The following STOX1 variants were observed in gnomAD, a reference collection of about 807,000 sequenced individuals.
The protein encoded by STOX1 is storkhead-box protein 1.
Under a neutral mutation model 74.8 loss-of-function variants are expected in STOX1, and 57 were observed. The observed-to-expected ratio is 0.76, with a 90% confidence interval of 0.62 to 0.95. STOX1 has a LOEUF of 0.95. Ranked by LOEUF, STOX1 falls within the 40% of genes least tolerant of loss-of-function variation. The pLI is 0.00. For synonymous variants in STOX1, 375 were observed against 401.3 expected, an observed-to-expected ratio of 0.93 and a Z score of 0.78; for missense variants, 1,010 against 1,117.0, an observed-to-expected ratio of 0.90 and a Z score of 1.37.
In STOX1 at chr10:68,888,912, C is replaced by T. The variant is rs111933484; in HGVS notation, c.2822+2294C>T. Among the ~76,000 whole-genome samples the T allele has an allele frequency of 1.4e-3, 193 of 135,078 alleles. 1 individual carries two copies. The highest frequency in any genetic ancestry group is 9.5e-3 in the South Asian group (38 of 3,994). 88.6% of individuals were successfully genotyped at this position (135,078 alleles called of 152,430 possible). On this transcript the variant is annotated intron_variant, in intron 3 of 3. Coordinates refer to ENST00000298596, the MANE Select transcript of STOX1 (RefSeq NM_152709.5). ...GGCTCAAGCAATTCAGCCTCCCAAA[C>T]GGCTGGGATTGCAGGTGTGAGCCAC... is the stretch of plus-strand genomic sequence containing the variant.
chr10:68,888,567 C>T (rs991594147), intron 3 of STOX1, among the ~76,000 whole-genome samples: 3 of 150,266 alleles, frequency 2.0e-5, no homozygotes, highest in Admixed American at 6.6e-5. Flanking sequence ...AACATTTTCC[C>T]TATGTTATTT....
rs1840964024 is a variant in STOX1, at chr10:68,886,540, A to C, written c.2744A>C (p.Asp915Ala). ...TCACATATGCCAGTGTTGGCTCAGG[A>C]TGTCCAATATGAACACAGTCACTTG... ...NTSHMPVLAQ[D>A]VQYEHSHLEG... Residue 915 changes from aspartate (D) to alanine (A), a missense_variant, in exon 3 of 4, where the codon GAT becomes GCT. Coordinates refer to ENST00000298596, the MANE Select transcript of STOX1 (RefSeq NM_152709.5). 6.2e-7 allele frequency: 1 copy of C among 1,614,086 alleles called. No homozygotes were observed. The highest frequency in any genetic ancestry group is 1.3e-5 in the African/African-American group (1 of 74,934).
chr10:68,889,530 G>A lies in STOX1; in HGVS notation c.2822+2912G>A, dbSNP rs1404714237. Among the ~76,000 whole-genome samples the A allele has an allele frequency of 2.6e-5, 4 of 152,166 alleles. No individual in the cohort carries two copies. In the South Asian group the frequency reaches 8.3e-4, roughly 32 times the overall value. On this transcript the variant is annotated intron_variant, in intron 3 of 3. Coordinates refer to ENST00000298596, the MANE Select transcript of STOX1 (RefSeq NM_152709.5). ...TTTTCATGTAACTTATGTATATCCT[G>A]TTATTGATAAATGTAGCTTAAGCTT...
At chr10:68,840,893 T>C (rs1260157499) in intron 1 of STOX1, among the ~76,000 whole-genome samples, 1 of 150,740 alleles carries the variant, frequency 6.6e-6, no homozygotes, top group Admixed American at 6.6e-5. Context: ...GTATGGAATA[T>C]GGCTGTGGGG....
Position 68,873,257 on chromosome 10 carries a change from A to AT in STOX1, c.311-8680dup, listed in dbSNP as rs5785875. Among the ~76,000 whole-genome samples, 163 of 105,276 alleles carry AT rather than the reference A, an allele frequency of 1.5e-3. 5 individuals are homozygous for AT. Among genetic ancestry groups the AT allele is most frequent in the African/African-American group, 4.6e-3 (123 of 27,004 alleles). 69.1% of individuals were successfully genotyped at this position (105,276 alleles called of 152,430 possible). A position where few individuals can be genotyped will look rare whatever the true frequency, so the allele number is the denominator to read the frequency against. On this transcript the variant is annotated intron_variant, in intron 1 of 3. Transcript: ENST00000298596. Reference sequence around the variant, plus strand: ...TAGGGGCCTGTGCCCAAACAAGAGCATTTTTTTTTTTTTTTTTTTTTGAGA... The same window carrying AT: ...TAGGGGCCTGTGCCCAAACAAGAGCATTTTTTTTTTTTTTTTTTTTTTGAGA...
intron 1 of STOX1, among the ~76,000 whole-genome samples, chr10:68,876,380 T>G (rs1840679464): frequency 1.3e-5 from 2 of 151,872 alleles, no homozygotes; most frequent in Admixed American, 1.3e-4. Context: ...GGTCTCGAAC[T>G]CCCGACCTCA....
downstream of STOX1, among the ~76,000 whole-genome samples, chr10:68,893,652 C>CG (rs1841144887): frequency 6.6e-6 from 1 of 152,134 alleles, no homozygotes; most frequent in Non-Finnish European, 1.5e-5. Flanking sequence ...CTCCTGACCT[C>CG]GTGATCCACC....
chr10:68,885,029 G>C lies in STOX1; in HGVS notation c.1233G>C (p.Gly411=), dbSNP rs754820877. Residue 411 remains glycine (G), a synonymous_variant, in exon 3 of 4, where the codon GGG becomes GGC. Coordinates refer to ENST00000298596, the MANE Select transcript of STOX1 (RefSeq NM_152709.5). ...GGCATAAGTATCCTTCAAAAGAGGG[G>C]GTTAAGAAAAGGCAGGGTCTGTCTG... The part of the protein sequence containing the change: ...TIGHKYPSKE[G]VKKRQGLSAK... 3 of 1,614,124 alleles carry C rather than the reference G, an allele frequency of 1.9e-6. No individual in the cohort carries two copies. The highest frequency in any genetic ancestry group is 1.7e-6 in the Non-Finnish European group (2 of 1,180,036).
At chr10:68,862,334 A>T (rs7082963) in intron 1 of STOX1, among the ~76,000 whole-genome samples, 4,103 of 152,126 alleles carry the variant, frequency 0.027, 223 homozygotes, top group African/African-American at 0.093. Flanking sequence ...ACTAGGATAG[A>T]ATGATTAGTA....
rs954553363 is a variant in STOX1, at chr10:68,884,699, C to A, written c.903C>A (p.Tyr301Ter). Residue 301 changes from tyrosine to a stop codon, truncating the protein, a stop_gained, in exon 3 of 4, where the codon TAC becomes TAA. Transcript: ENST00000298596. LOFTEE classifies it high-confidence loss of function. ...HICESTKPLP[Y>*]TRDKEKGKKF... Reference sequence around the variant, plus strand: ...GTGAGAGCACCAAACCTTTACCATACACAAGAGATAAAGAAAAAGGCAAGA... The same window carrying A: ...GTGAGAGCACCAAACCTTTACCATAAACAAGAGATAAAGAAAAAGGCAAGA... 1 of 1,614,000 alleles carries A rather than the reference C, an allele frequency of 6.2e-7. No individual in the cohort carries two copies. Among genetic ancestry groups the A allele is most frequent in the Non-Finnish European group, 8.5e-7 (1 of 1,180,034 alleles).
chr10:68,843,919 G>T (rs1391832241), intron 1 of STOX1, among the ~76,000 whole-genome samples: 3 of 151,780 alleles, frequency 2.0e-5, no homozygotes, highest in African/African-American at 7.3e-5. Context: ...CATGGCTCAC[G>T]CCTGTAATCC....
intron 1 of STOX1, among the ~76,000 whole-genome samples, chr10:68,856,906 G>A (rs1032070221): frequency 1.3e-5 from 2 of 152,060 alleles, no homozygotes; most frequent in Non-Finnish European, 2.9e-5. Flanking sequence ...CTGATCCCTG[G>A]CTAACACATT....
Position 68,886,019 on chromosome 10 carries a change from C to G in STOX1, c.2223C>G (p.Asp741Glu), listed in dbSNP as rs1183501538. ...ACSSLYLEED[D>E]ISENDDLRQM... is the part of the protein sequence containing the mutation. ...GTTCATTATATCTAGAGGAGGATGA[C>G]ATTTCTGAGAATGACGACTTACGTC... is the stretch of plus-strand genomic sequence containing the variant. Residue 741 changes from aspartate to glutamate, a missense_variant, in exon 3 of 4, where the codon GAC becomes GAG. By Grantham distance (45) the Asp-to-Glu change is conservative (BLOSUM62 2). Coordinates refer to ENST00000298596, the MANE Select transcript of STOX1 (RefSeq NM_152709.5). 1 of 1,614,152 alleles carries G rather than the reference C, an allele frequency of 6.2e-7. No homozygotes were observed. The highest frequency in any genetic ancestry group is 8.5e-7 in the Non-Finnish European group (1 of 1,180,018).
intron 1 of STOX1, among the ~76,000 whole-genome samples, chr10:68,859,472 G>A (rs1840207845): frequency 1.3e-5 from 2 of 152,112 alleles, no homozygotes; most frequent in African/African-American, 4.8e-5. Flanking sequence ...TTGACGTGAT[G>A]CAGGTAAAGC....
intron 1 of STOX1, among the ~76,000 whole-genome samples, chr10:68,837,417 A>G (rs867142818): frequency 1.3e-5 from 2 of 152,230 alleles, no homozygotes; most frequent in Non-Finnish European, 2.9e-5. Context: ...AAGGGCCTGC[A>G]GAGGGGCTGA....
intron 1 of STOX1, among the ~76,000 whole-genome samples, chr10:68,876,119 A>AATATATATATATAT (rs56325624): frequency 2.4e-4 from 33 of 135,734 alleles, no homozygotes; most frequent in Non-Finnish European, 5.0e-4. Context: ...TCTTTACCAG[A>AATATATATATATAT]ATATATATAT....
intron 3 of STOX1, among the ~76,000 whole-genome samples, chr10:68,889,401 C>T (rs1373220303): frequency 1.3e-5 from 2 of 151,950 alleles, no homozygotes; most frequent in Non-Finnish European, 2.9e-5. Context: ...TTCAACCATC[C>T]TCTTGCCTTG....
intron 3 of STOX1, among the ~76,000 whole-genome samples, chr10:68,888,802 ATTTTTTTTTTTT>A (rs35174437): frequency 8.7e-4 from 28 of 32,066 alleles, no homozygotes; most frequent in East Asian, 3.0e-3. Flanking sequence ...TGCCCAGCTA[ATTTTTTTTTTTT>A]TTTTTTTTTT....
At chr10:68,892,530 T>C (rs1841121495) in intron 3 of STOX1, 59 bp from the exon 4 acceptor site, 1 of 1,506,782 alleles carries the variant, frequency 6.6e-7, no homozygotes, top group Non-Finnish European at 9.2e-7. Context: ...TATAATGCCT[T>C]GGTTAGAAAT....
Sources: allele counts gnomAD v4.1 joint callset (sites outside exome capture counted in the v4.1 genomes callset), GRCh38; gene constraint gnomAD v4.1.1; transcripts MANE v1.5; gene names NCBI Gene and HGNC (gene_info 2026-07-23, HGNC 2026-07-21).